Variants in ZNF236 observed in about 807,000 individuals in gnomAD.
The protein encoded by ZNF236 is zinc finger protein 236.
A neutral mutation model predicts 191.2 loss-of-function variants in ZNF236; 50 were observed. The observed-to-expected ratio is 0.26, with a 90% CI of 0.21 to 0.33. The LOEUF (loss-of-function observed/expected upper bound fraction) is 0.33. Ranked by LOEUF, ZNF236 falls within the 10% of genes least tolerant of loss-of-function variation. The pLI, the probability that ZNF236 is intolerant of heterozygous loss-of-function variation, is 1.00. For missense variants in ZNF236, 1,754 were observed against 2,374.5 expected (o/e 0.74, Z 5.43); for synonymous variants, 907 against 928.8 (o/e 0.98, Z 0.43).
intron 26 of ZNF236, among the ~76,000 whole-genome samples, chr18:76,943,194 TTA>T (rs1324963315): frequency 4.6e-5 from 7 of 152,256 alleles, no homozygotes; most frequent in African/African-American, 1.7e-4. Flanking sequence ...ATATATGTTT[TTA>T]TAAGTCCATA....
rs111595692 is a variant in ZNF236, at chr18:76,948,886, C to T, written c.4914+1234C>T. 2.1e-3 allele frequency among the ~76,000 whole-genome samples: 313 copies of T among 152,328 alleles called. 3 individuals are homozygous for T. Among genetic ancestry groups the T allele is most frequent in the African/African-American group, 6.9e-3 (286 of 41,574 alleles). On this transcript the variant is annotated intron_variant, in intron 27 of 30. Transcript: ENST00000320610. ...ACAAAAACAGGCCTTCACCATAAGTCACATCATCAGCACAAACTATGTGGC... is the reference window on the plus strand; with the variant it reads ...ACAAAAACAGGCCTTCACCATAAGTTACATCATCAGCACAAACTATGTGGC...
chr18:76,941,245 G>A (rs570340373), intron 26 of ZNF236, among the ~76,000 whole-genome samples: 23 of 152,286 alleles, frequency 1.5e-4, no homozygotes, highest in Middle Eastern at 3.4e-3. Flanking sequence ...GATGACCCTG[G>A]GATGCGCTGT....
At chr18:76,881,219 C>A (rs986586325) in intron 8 of ZNF236, 65 bp from the exon 9 acceptor site, 2 of 1,392,686 alleles carry the variant, frequency 1.4e-6, no homozygotes, top group Non-Finnish European at 2.0e-6. Flanking sequence ...AAGCTTTTGA[C>A]TGATTTTGGT....
intron 19 of ZNF236, 115 bp downstream of exon 19, chr18:76,915,974 C>T (rs1967352376): frequency 2.3e-6 from 2 of 877,244 alleles, no homozygotes; most frequent in Admixed American, 6.1e-5. Flanking sequence ...AGTTCAGTAG[C>T]ACCCTGAGTT....
At position 76,956,013 on chromosome 18, in the gene ZNF236, C is replaced by A; in HGVS notation, c.4943C>A (p.Pro1648Gln). ...GCTGGCGTCTCTGGGAACCTGGCCC[C>A]GGGCAACCAGCCAGAGAAGGAGGGC... ...QVAGVSGNLA[P>Q]GNQPEKEGRA... The change falls in exon 28 of 31, where the codon CCG (proline) becomes CAG (glutamine). Residue 1648 changes from proline to glutamine, a missense_variant. Physicochemically the swap from Pro to Gln is moderately conservative, Grantham distance 76. Around this residue, in one of 5 missense-constraint regions of ZNF236, gnomAD observed 606 missense variants for 761.5 expected, o/e 0.80. Coordinates refer to ENST00000320610, the MANE Select transcript of ZNF236 (RefSeq NM_001306089.2). 6.2e-7 allele frequency: 1 copy of A among 1,610,414 alleles called. No individual in the cohort carries two copies.
Position 76,905,545 on chromosome 18 carries a change from G to GA in ZNF236, c.2297+155dup, listed in dbSNP as rs1159878664. ...TCTAGCTCATACTATATGGGCTCAA[G>GA]AAAAAAAAAAAAAAAAAAAAAAAAA... On this transcript the variant is annotated intron_variant, in intron 13 of 30. Coordinates refer to ENST00000320610, the MANE Select transcript of ZNF236 (RefSeq NM_001306089.2). 9.4e-4 allele frequency: 64 copies of GA among 68,088 alleles called. 2 individuals are homozygous for GA. Among genetic ancestry groups the GA allele is most frequent in the South Asian group, 5.1e-3 (12 of 2,368 alleles). 4.2% of individuals were successfully genotyped at this position (68,088 alleles called of 1,614,324 possible).
At chr18:76,831,907 G>A (rs140407393) in intron 1 of ZNF236, among the ~76,000 whole-genome samples, 57 of 152,216 alleles carry the variant, frequency 3.7e-4, no homozygotes, top group African/African-American at 1.3e-3. Context: ...ATATACTCTG[G>A]ATGAGTTTTT....
intron 5 of ZNF236, among the ~76,000 whole-genome samples, chr18:76,872,900 T>G (rs1208475558): frequency 3.3e-5 from 5 of 152,252 alleles, no homozygotes; most frequent in Non-Finnish European, 2.9e-5. Context: ...CAAGCAGTTC[T>G]ATTATGTTAC....
intron 4 of ZNF236, among the ~76,000 whole-genome samples, chr18:76,869,784 G>A (rs554841666): frequency 1.3e-5 from 2 of 152,102 alleles, no homozygotes; most frequent in Admixed American, 6.5e-5. Context: ...GGTGAAACCC[G>A]GTCCCTACTA....
chr18:76,867,617 T>C (rs1038470711), intron 3 of ZNF236, among the ~76,000 whole-genome samples: 1 of 152,222 alleles, frequency 6.6e-6, no homozygotes, highest in African/African-American at 2.4e-5. Context: ...ACAGTTCATT[T>C]TGAGGATCAT....
chr18:76,907,430 T>A (rs983722104), intron 13 of ZNF236, among the ~76,000 whole-genome samples: 1 of 152,182 alleles, frequency 6.6e-6, no homozygotes, highest in African/African-American at 2.4e-5. Context: ...TTTGGCTCAC[T>A]GCAACCTCCT....
At chr18:76,964,762 G>A (rs1245733058) in intron 30 of ZNF236, among the ~76,000 whole-genome samples, 2 of 152,134 alleles carry the variant, frequency 1.3e-5, no homozygotes, top group Non-Finnish European at 2.9e-5. Context: ...GTGCATGTAT[G>A]TTTAGGATTG....
chr18:76,823,533 A>G (rs1974927748), intron 1 of ZNF236, among the ~76,000 whole-genome samples: 1 of 150,774 alleles, frequency 6.6e-6, no homozygotes, highest in Non-Finnish European at 1.5e-5. Context: ...GGGGAGCGCT[A>G]GATCGTGCAC....
At position 76,863,662 on chromosome 18, in the gene ZNF236, A is replaced by G. The variant is rs1278737566; in HGVS notation, c.364-5023A>G. 2.0e-5 allele frequency among the ~76,000 whole-genome samples: 3 copies of G among 151,912 alleles called. No homozygotes were observed. In the East Asian group the frequency reaches 5.8e-4, roughly 29 times the overall value. On this transcript the variant is annotated intron_variant, in intron 3 of 30. Transcript: ENST00000320610. ...AGGCTGGTCTCGAACTCATGGGCTC[A>G]AGCGATCCTCCCACCTCTGCCTCCA...
chr18:76,910,939 G>A, intron 16 of ZNF236, 128 bp downstream of exon 16: 1 of 973,506 alleles, frequency 1.0e-6, no homozygotes, highest in Non-Finnish European at 1.5e-6. Context: ...TAGCATTAAG[G>A]TTACTGCATT....
At chr18:76,942,050 A>G (rs922694939) in intron 26 of ZNF236, among the ~76,000 whole-genome samples, 4 of 152,248 alleles carry the variant, frequency 2.6e-5, no homozygotes, top group African/African-American at 7.2e-5. Context: ...AAATATGTAA[A>G]TTAAATTTGA....
In ZNF236 at chr18:76,969,026, C is replaced by T; in HGVS notation, c.*687C>T. 3 of 970,006 alleles carry T rather than the reference C, an allele frequency of 3.1e-6. No homozygotes were observed. The highest frequency in any genetic ancestry group is 3.7e-6 in the Non-Finnish European group (3 of 815,524). The allele number at this position is 970,006 out of a possible 1,614,324, so 60.1% of individuals were successfully genotyped here. A position where few individuals can be genotyped will look rare whatever the true frequency, so the allele number is the denominator to read the frequency against. ...GACCCACCAATAAGGATTCAGCTGT[C>T]CACACGGGCTGGCGACACACTTACC... On this transcript the variant is annotated 3_prime_UTR_variant, in exon 31 of 31. Transcript: ENST00000320610.
chr18:76,903,495 T>C (rs1977659241), intron 11 of ZNF236, among the ~76,000 whole-genome samples: 1 of 152,200 alleles, frequency 6.6e-6, no homozygotes, highest in African/African-American at 2.4e-5. Flanking sequence ...TGCATCATGC[T>C]AATCATTGTA....
At chr18:76,934,408 G>T (rs887156863) in intron 25 of ZNF236, among the ~76,000 whole-genome samples, 2 of 152,162 alleles carry the variant, frequency 1.3e-5, no homozygotes, top group Non-Finnish European at 2.9e-5. Flanking sequence ...TCTTGATAGA[G>T]GCTTGAGAAA....
Sources: gnomAD v4.1 joint callset for allele counts (sites outside exome capture counted in the v4.1 genomes callset) on GRCh38, gnomAD v4.1.1 for gene constraint, gnomAD v4.1.1 regional missense constraint, MANE v1.5 for transcripts, NCBI Gene and HGNC (gene_info 2026-07-23, HGNC 2026-07-21) for gene names.